The following FAM120C variants were observed in gnomAD, a reference collection of about 807,000 sequenced individuals.
FAM120C encodes the protein family with sequence similarity 120 member C.
FAM120C carries 14 observed loss-of-function variants against 71.2 expected under a neutral mutation model. That is an observed-to-expected ratio of 0.20 (90% CI 0.13 to 0.31). The LOEUF (loss-of-function observed/expected upper bound fraction) is 0.31. Ranked by LOEUF, FAM120C falls within the 10% of genes least tolerant of loss-of-function variation. The probability of loss-of-function intolerance (pLI) is 1.00; values close to 1 mark genes in which losing one functional copy is unlikely to be tolerated. For missense variants in FAM120C, 500 were observed against 879.0 expected, an observed-to-expected ratio of 0.57 and a Z score of 5.45; for synonymous variants, 354 against 353.2, an observed-to-expected ratio of 1.00 and a Z score of -0.03.
chrX:54,169,460 C>T (rs1557135661), intron 1 of FAM120C, among the ~76,000 whole-genome samples: 1 of 111,913 alleles, frequency 8.9e-6, no homozygotes, highest in African/African-American at 3.3e-5. Context: ...TATGTTAGCA[C>T]TCTGCCTGGA....
At chrX:54,178,074 G>A (rs2096585385) in intron 1 of FAM120C, among the ~76,000 whole-genome samples, 1 of 111,897 alleles carries the variant, frequency 8.9e-6, no homozygotes, top group African/African-American at 3.2e-5. Context: ...GAATAATGGT[G>A]AATAGGGAAG....
At chrX:54,094,757 C>T (rs1208394340) in intron 10 of FAM120C, among the ~76,000 whole-genome samples, 1 of 110,084 alleles carries the variant, frequency 9.1e-6, no homozygotes, top group African/African-American at 3.3e-5. Context: ...ATTAGCTGGG[C>T]ATGGTGGTGC....
At chrX:54,172,432 T>A (rs1342549857) in intron 1 of FAM120C, among the ~76,000 whole-genome samples, 1 of 112,629 alleles carries the variant, frequency 8.9e-6, no homozygotes, top group African/African-American at 3.2e-5. Context: ...CAGAAATAGC[T>A]TTAAGTTTAG....
At chrX:54,165,219 C>T (rs897255234) in intron 1 of FAM120C, among the ~76,000 whole-genome samples, 4 of 110,955 alleles carry the variant, frequency 3.6e-5, no homozygotes, top group Non-Finnish European at 7.5e-5. Context: ...ATGATTGTCC[C>T]GAAAATGTCT....
At chrX:54,140,251 G>A (rs1460203911) in intron 4 of FAM120C, among the ~76,000 whole-genome samples, 1 of 92,705 alleles carries the variant, frequency 1.1e-5, no homozygotes, top group African/African-American at 4.1e-5. Context: ...AGCTGAGATC[G>A]CACCATTGCA....
intron 9 of FAM120C, among the ~76,000 whole-genome samples, chrX:54,127,753 A>C (rs782741275): frequency 9.1e-6 from 1 of 109,364 alleles, no homozygotes; most frequent in East Asian, 2.9e-4. Flanking sequence ...ATGCTCAGCT[A>C]TATTAAAAAA....
At chrX:54,147,955 C>A (rs1383750463) in intron 4 of FAM120C, among the ~76,000 whole-genome samples, 2 of 111,375 alleles carry the variant, frequency 1.8e-5, no homozygotes, top group Non-Finnish European at 3.8e-5. Flanking sequence ...CCTCAGCCTC[C>A]CAAAGTGTGG....
intron 1 of FAM120C, among the ~76,000 whole-genome samples, chrX:54,163,663 T>C (rs2067244909): frequency 9.0e-6 from 1 of 111,522 alleles, no homozygotes; most frequent in African/African-American, 3.2e-5. Flanking sequence ...TTATGGTATA[T>C]GAGTTATACC....
In FAM120C at chrX:54,069,608, T is replaced by C. The variant is rs1282653998; in HGVS notation, c.*3425A>G. The C allele has an allele frequency of 9.0e-6, 1 of 110,631 alleles. No homozygotes were observed. The highest frequency in any genetic ancestry group is 2.8e-4 in the East Asian group (1 of 3,513). The allele number at this position is 110,631 out of a possible 1,213,427, so 9.1% of individuals were successfully genotyped here. ...CCCACCCTCTACCTTAACCACCCTC[T>C]GTAATGCCTTGTTCGACTGTTTTTC... On this transcript the variant is annotated 3_prime_UTR_variant, in exon 16 of 16. Transcript: ENST00000375180.
chrX:54,136,813 T>G (rs782477956), intron 4 of FAM120C, among the ~76,000 whole-genome samples: 65 of 110,997 alleles, frequency 5.9e-4, no homozygotes, highest in African/African-American at 1.8e-3. Context: ...CTAAAATGAT[T>G]ACATGATCAT....
In FAM120C at chrX:54,074,978, C is replaced by T. The variant is rs1418504052; in HGVS notation, c.3037-1691G>A. On this transcript the variant is annotated intron_variant, in intron 15 of 15. Transcript: ENST00000375180. ...TTTGAGACCAGCCTGGGCAACATGG[C>T]GAAACCCCATGTCTACAAAAATTAC... is the stretch of plus-strand genomic sequence containing the variant. Among the ~76,000 whole-genome samples the T allele has an allele frequency of 2.7e-5, 3 of 110,901 alleles. No homozygotes were observed. The Admixed American group carries it at 2.9e-4, about 11-fold the overall frequency.
chrX:54,132,380 G>C (rs957564526), intron 9 of FAM120C, among the ~76,000 whole-genome samples: 1 of 110,126 alleles, frequency 9.1e-6, no homozygotes, highest in Non-Finnish European at 1.9e-5. Flanking sequence ...GTCTTGCCAC[G>C]TTGCCCAGGC....
intron 9 of FAM120C, among the ~76,000 whole-genome samples, chrX:54,131,293 G>A (rs1476934455): frequency 2.7e-5 from 3 of 110,884 alleles, no homozygotes; most frequent in Non-Finnish European, 3.8e-5. Flanking sequence ...TGTGTGAGAC[G>A]GGGTCTCCTC....
intron 15 of FAM120C, among the ~76,000 whole-genome samples, chrX:54,074,979 G>A (rs782157359): frequency 3.6e-5 from 4 of 111,092 alleles, no homozygotes; most frequent in East Asian, 2.8e-4. Flanking sequence ...GCAACATGGC[G>A]AAACCCCATG....
chrX:54,080,786 C>T (rs1557121183), intron 14 of FAM120C, among the ~76,000 whole-genome samples: 1 of 107,289 alleles, frequency 9.3e-6, no homozygotes, highest in Non-Finnish European at 1.9e-5. Context: ...TGCTTGAACC[C>T]CGGAGGTGGA....
intron 1 of FAM120C, among the ~76,000 whole-genome samples, chrX:54,170,992 AGAG>A (rs2067285074): frequency 9.0e-6 from 1 of 111,469 alleles, no homozygotes; most frequent in Non-Finnish European, 1.9e-5. Context: ...CGGGAACTGC[AGAG>A]AAGACAATGA....
At position 54,116,773 on chromosome X, in the gene FAM120C, T is replaced by C; in HGVS notation, c.2084A>G (p.Glu695Gly). The change falls in exon 10 of 16, where the codon GAG becomes GGG. Residue 695 changes from glutamate (E) to glycine (G), a missense_variant. Physicochemically the swap from Glu to Gly is moderately conservative, Grantham distance 98 (BLOSUM62 -2). Coordinates refer to ENST00000375180, the MANE Select transcript of FAM120C (RefSeq NM_017848.6). ...PVEVPSVILKEWSAYKGKSPQ... is the reference protein window; with the variant it reads ...PVEVPSVILKGWSAYKGKSPQ... ...TGACTTCCCTTTATAGGCAGACCACTCTTTAAGGATCACTGAAGGAACTGG... is the reference window on the plus strand; with the variant it reads ...TGACTTCCCTTTATAGGCAGACCACCCTTTAAGGATCACTGAAGGAACTGG... 1 of 1,210,184 alleles carries C rather than the reference T, an allele frequency of 8.3e-7. No homozygotes were observed.
intron 3 of FAM120C, among the ~76,000 whole-genome samples, chrX:54,155,046 C>CA (rs1428000201): frequency 1.8e-5 from 2 of 109,510 alleles, no homozygotes; most frequent in African/African-American, 3.3e-5. Flanking sequence ...ACAAAAAATA[C>CA]AAAAAAAATT....
chrX:54,099,809 G>A (rs190127152), intron 10 of FAM120C, among the ~76,000 whole-genome samples: 2 of 112,253 alleles, frequency 1.8e-5, no homozygotes, highest in African/African-American at 6.5e-5. Flanking sequence ...ACACTCGAAT[G>A]TAACTACATT....
Sources: allele counts gnomAD v4.1 joint callset (sites outside exome capture counted in the v4.1 genomes callset), GRCh38; gene constraint gnomAD v4.1.1; transcripts MANE v1.5; gene names NCBI Gene and HGNC (gene_info 2026-07-23, HGNC 2026-07-21).